Variants in BORA observed in about 807,000 individuals in gnomAD.
The protein encoded by BORA is protein aurora borealis.
BORA carries 26 observed loss-of-function variants against 55.8 expected under a neutral mutation model. That is an observed-to-expected ratio of 0.47 (90% CI 0.34 to 0.65). The LOEUF is 0.65. BORA is among the 30% of genes least tolerant of loss of function. BORA has a pLI of 0.01. For missense variants in BORA, 568 were observed against 671.5 expected (o/e 0.85, Z 1.70); for synonymous variants, 201 against 216.9 (o/e 0.93, Z 0.64).
chr13:72,742,434 A>G (rs564237402), intron 5 of BORA, among the ~76,000 whole-genome samples: 1 of 152,106 alleles, frequency 6.6e-6, no homozygotes, highest in East Asian at 1.9e-4. Context: ...AAGAAACTAT[A>G]TGGTTTTATT....
At chr13:72,729,663 G>A (rs917319889) in intron 2 of BORA, among the ~76,000 whole-genome samples, 17 of 152,202 alleles carry the variant, frequency 1.1e-4, no homozygotes. Flanking sequence ...TGTGTAAAGA[G>A]ATAAATGTTA....
chr13:72,729,221 A>G lies in BORA; in HGVS notation c.153+128A>G, dbSNP rs748632530. ...ATTATGGAGCATATATAGCTGCAAT[A>G]TACTTTTTTAAATTGTAGTGTTCAT... On this transcript the variant is annotated intron_variant, in intron 2 of 11. Coordinates refer to ENST00000390667, the MANE Select transcript of BORA (RefSeq NM_024808.5). 8 of 768,314 alleles carry G rather than the reference A, an allele frequency of 1.0e-5. No individual in the cohort carries two copies. The African/African-American group carries it at 1.1e-4, about 11-fold the overall frequency. 47.6% of individuals were successfully genotyped at this position (768,314 alleles called of 1,614,324 possible).
At chr13:72,737,345 C>T (rs1272423820) in intron 4 of BORA, among the ~76,000 whole-genome samples, 1 of 152,116 alleles carries the variant, frequency 6.6e-6, no homozygotes, top group African/African-American at 2.4e-5. Flanking sequence ...AATAGTGGCA[C>T]ACCATTATAT....
Position 72,744,485 on chromosome 13 carries a change from A to G in BORA, c.455-20A>G. 1 of 1,603,208 alleles carries G rather than the reference A, an allele frequency of 6.2e-7. No individual in the cohort carries two copies. The highest frequency in any genetic ancestry group is 8.5e-7 in the Non-Finnish European group (1 of 1,172,058). ...ATTTATCCCATGTTTGAATTTGTTT[A>G]TTTATTTGCTTGTTTCCAGCTGCTT... is the stretch of plus-strand genomic sequence containing the variant. On this transcript the variant is annotated intron_variant, in intron 6 of 11. Coordinates refer to ENST00000390667, the MANE Select transcript of BORA (RefSeq NM_024808.5).
chr13:72,745,686 C>T (rs901589291), intron 8 of BORA, among the ~76,000 whole-genome samples: 2 of 152,104 alleles, frequency 1.3e-5, no homozygotes, highest in Non-Finnish European at 2.9e-5. Flanking sequence ...AAAAATTTTT[C>T]ACAGATGGTT....
chr13:72,747,520 TAA>T (rs1183692675), intron 10 of BORA, among the ~76,000 whole-genome samples: 2 of 151,982 alleles, frequency 1.3e-5, no homozygotes, highest in South Asian at 2.1e-4. Context: ...TTAGGGGGGA[TAA>T]AAAGAGTTTA....
At chr13:72,746,185 C>A in intron 9 of BORA, 109 bp downstream of exon 9, 1 of 1,051,218 alleles carries the variant, frequency 9.5e-7, no homozygotes, top group South Asian at 1.6e-5. Context: ...TGATCACTAA[C>A]CTTCTAACAT....
At position 72,727,967 on chromosome 13, in the gene BORA, T is replaced by G; in HGVS notation, c.-56T>G. The G allele has an allele frequency of 1.3e-6, 2 of 1,550,596 alleles. No individual in the cohort carries two copies. The highest frequency in any genetic ancestry group is 1.7e-6 in the Non-Finnish European group (2 of 1,146,992). On this transcript the variant is annotated 5_prime_UTR_variant, in exon 1 of 12. Coordinates refer to ENST00000390667, the MANE Select transcript of BORA (RefSeq NM_024808.5). ...TGGAAGCTGGCCTGGCCCCCGGAGC[T>G]CCCTGGAGTCGGTACTGGGGGCTTC...
rs775420275 is a variant in BORA, at chr13:72,729,017, A to AAT, written c.78_79insTA (p.Ser27Ter). On this transcript the variant is annotated frameshift_variant, in exon 2 of 12. Coordinates refer to ENST00000390667, the MANE Select transcript of BORA (RefSeq NM_024808.5). LOFTEE classifies it high-confidence loss of function. ...AGGATCCCTGTTTTAAATCCTTTTG[A>AAT]AAGTCCTAGTGATTATTCTAATCTC... The AAT allele has an allele frequency of 1.4e-5, 23 of 1,609,132 alleles. No homozygotes were observed. The highest frequency in any genetic ancestry group is 1.7e-6 in the Non-Finnish European group (2 of 1,178,416).
Position 72,753,773 on chromosome 13 carries a change from T to A in BORA, c.1566T>A (p.Asp522Glu). Residue 522 changes from aspartate (D) to glutamate (E), a missense_variant, in exon 11 of 12, where the codon GAT becomes GAA. Asp to Glu is a conservative substitution (Grantham distance 45). Coordinates refer to ENST00000390667, the MANE Select transcript of BORA (RefSeq NM_024808.5). Reference protein sequence around the residue: ...VGAESYCKESDAQTCEVESKS... With the variant: ...VGAESYCKESEAQTCEVESKS... ...CAGAAAGTTACTGCAAAGAAAGTGA[T>A]GCACAAACATGTGAAGTTGAGAGTA... 1 of 1,613,552 alleles carries A rather than the reference T, an allele frequency of 6.2e-7. No individual in the cohort carries two copies. Among genetic ancestry groups the A allele is most frequent in the Non-Finnish European group, 8.5e-7 (1 of 1,179,626 alleles).
In BORA at chr13:72,731,343, C is replaced by T; in HGVS notation, c.216C>T (p.Asp72=). 1 of 1,612,004 alleles carries T rather than the reference C, an allele frequency of 6.2e-7. No homozygotes were observed. Among genetic ancestry groups the T allele is most frequent in the Non-Finnish European group, 8.5e-7 (1 of 1,178,844 alleles). The change falls in exon 3 of 12, where the codon GAC becomes GAT. Residue 72 remains aspartate (D), a synonymous_variant. Coordinates refer to ENST00000390667, the MANE Select transcript of BORA (RefSeq NM_024808.5). ...CTGTAATAAATCCTGTAGAAATAGA[C>T]CCAGAAGATATTCATCGTCAAGCTT... The part of the protein sequence containing the change: ...QLAVINPVEI[D]PEDIHRQALY...
intron 10 of BORA, among the ~76,000 whole-genome samples, chr13:72,749,196 A>G (rs1393626485): frequency 6.6e-6 from 1 of 152,156 alleles, no homozygotes; most frequent in East Asian, 1.9e-4. Flanking sequence ...GTTTGAAGGC[A>G]TTGCTTCCAT....
At chr13:72,752,764 G>T (rs1373141670) in intron 10 of BORA, 1 of 117,620 alleles carries the variant, frequency 8.5e-6, no homozygotes, top group Non-Finnish European at 1.8e-5. Context: ...ATTTTTTCAG[G>T]ATTATTAAGT....
At position 72,746,555 on chromosome 13, in the gene BORA, A is replaced by C. The variant is rs764748158; in HGVS notation, c.926A>C (p.Asn309Thr). ...SPDASSGTNS[N>T]GITNPCIRSP... is the part of the protein sequence containing the mutation. ...GATGCTTCATCTGGAACAAATTCTA[A>C]TGGGATAACTAATCCGTGTATCAGA... Residue 309 changes from asparagine to threonine, a missense_variant, in exon 10 of 12, where the codon AAT becomes ACT. Transcript: ENST00000390667. The C allele has an allele frequency of 3.1e-6, 5 of 1,613,976 alleles. No individual in the cohort carries two copies. The South Asian group carries it at 5.5e-5, about 18-fold the overall frequency.
chr13:72,733,646 T>C (rs1223908679), intron 3 of BORA, among the ~76,000 whole-genome samples: 1 of 152,180 alleles, frequency 6.6e-6, no homozygotes, highest in Non-Finnish European at 1.5e-5. Flanking sequence ...ATTTTGACCA[T>C]GATAAGATGA....
intron 5 of BORA, among the ~76,000 whole-genome samples, chr13:72,742,373 A>C (rs890750989): frequency 1.3e-5 from 2 of 151,504 alleles, no homozygotes; most frequent in African/African-American, 4.9e-5. Context: ...TCAATTTATA[A>C]AACTTTAGAG....
chr13:72,731,266 C>T lies in BORA; in HGVS notation c.154-15C>T. On this transcript the variant is annotated splice_polypyrimidine_tract_variant and intron_variant, in intron 2 of 11. Transcript: ENST00000390667. The stretch of plus-strand genomic sequence containing the variant: ...TAGTTTGCCTTTACTCATAAGCTCA[C>T]TTTCTTTTGTTAAGACTCCAGGGAA... The T allele has an allele frequency of 6.4e-7, 1 of 1,555,182 alleles. No individual in the cohort carries two copies. Among genetic ancestry groups the T allele is most frequent in the Non-Finnish European group, 8.8e-7 (1 of 1,132,456 alleles).
chr13:72,743,519 A>G lies in BORA; in HGVS notation c.389-18A>G. The G allele has an allele frequency of 6.3e-7, 1 of 1,578,580 alleles. No homozygotes were observed. The highest frequency in any genetic ancestry group is 8.6e-7 in the Non-Finnish European group (1 of 1,156,626). ...AAGAGTATAAAACATAGGATTTTTC[A>G]CTTAAAATGTCTTACAGGCACTAAC... On this transcript the variant is annotated intron_variant, in intron 5 of 11. Coordinates refer to ENST00000390667, the MANE Select transcript of BORA (RefSeq NM_024808.5).
intron 2 of BORA, among the ~76,000 whole-genome samples, chr13:72,730,424 G>A (rs2032787373): frequency 1.3e-5 from 2 of 152,154 alleles, no homozygotes; most frequent in African/African-American, 4.8e-5. Context: ...AATTTGCCTA[G>A]AATATATTTC....
Sources: gnomAD v4.1 joint callset for allele counts (sites outside exome capture counted in the v4.1 genomes callset) on GRCh38, gnomAD v4.1.1 for gene constraint, MANE v1.5 for transcripts, NCBI Gene and HGNC (gene_info 2026-07-23, HGNC 2026-07-21) for gene names.